The following PDE4D variants were observed in gnomAD, a reference collection of about 807,000 sequenced individuals.
PDE4D encodes 3',5'-cyclic-AMP phosphodiesterase 4D.
Under a neutral mutation model 87.4 loss-of-function variants are expected in PDE4D, and 24 were observed. The observed-to-expected ratio is 0.27, with a 90% CI of 0.20 to 0.39. PDE4D has a LOEUF of 0.39. Ranked by LOEUF, PDE4D falls within the 10% of genes least tolerant of loss-of-function variation. The pLI is 1.00. For synonymous variants in PDE4D, 384 were observed against 383.2 expected (o/e 1.00, Z -0.02); for missense variants, 714 against 1,041.0 (o/e 0.69, Z 4.32).
At chr5:60,316,126 A>C (rs1755564951) in intron 1 of PDE4D, among the ~76,000 whole-genome samples, 1 of 152,164 alleles carries the variant, frequency 6.6e-6, no homozygotes, top group Non-Finnish European at 1.5e-5. Flanking sequence ...TGATTATGGA[A>C]TGTTCTTCTA....
intron 1 of PDE4D, among the ~76,000 whole-genome samples, chr5:59,401,487 T>TCTATCTATCTA (rs59711307): frequency 6.6e-6 from 1 of 151,296 alleles, no homozygotes; most frequent in Non-Finnish European, 1.5e-5. Context: ...TATCTATCTA[T>TCTATCTATCTA]TTTGATCCCA....
intron 1 of PDE4D, among the ~76,000 whole-genome samples, chr5:60,341,347 T>C (rs770528252): frequency 2.6e-5 from 4 of 152,146 alleles, no homozygotes; most frequent in Admixed American, 6.5e-5. Flanking sequence ...TGCTCTCCAG[T>C]TTTCTATCCA....
intron 1 of PDE4D, among the ~76,000 whole-genome samples, chr5:60,353,988 T>A (rs779359802): frequency 2.0e-5 from 3 of 152,164 alleles, no homozygotes; most frequent in Non-Finnish European, 2.9e-5. Context: ...AACATCATGG[T>A]AACTATTCTG....
intron 1 of PDE4D, among the ~76,000 whole-genome samples, chr5:59,262,176 G>A (rs971895444): frequency 4.0e-4 from 60 of 151,854 alleles, no homozygotes; most frequent in Admixed American, 1.7e-3. Context: ...TTATGAAGCC[G>A]AGTGCTGTAT....
chr5:59,090,594 A>G (rs149360239), intron 5 of PDE4D, among the ~76,000 whole-genome samples: 3 of 152,238 alleles, frequency 2.0e-5, no homozygotes, highest in Non-Finnish European at 4.4e-5. Context: ...ACATGAGAAC[A>G]ACCATAAGGA....
At chr5:60,012,778 T>C in intron 2 of PDE4D, among the ~76,000 whole-genome samples, 1 of 152,156 alleles carries the variant, frequency 6.6e-6, no homozygotes, top group East Asian at 1.9e-4. Flanking sequence ...ATTGAAATAA[T>C]TGAAGGAACA....
chr5:59,708,037 G>T (rs1397325719), intron 1 of PDE4D, among the ~76,000 whole-genome samples: 1 of 152,142 alleles, frequency 6.6e-6, no homozygotes, highest in Non-Finnish European at 1.5e-5. Flanking sequence ...TCGCCATACA[G>T]TCTTCCATAA....
intron 1 of PDE4D, among the ~76,000 whole-genome samples, chr5:60,450,222 G>A (rs1745989637): frequency 6.6e-6 from 1 of 151,756 alleles, no homozygotes; most frequent in South Asian, 2.1e-4. Context: ...TGATTGGTGG[G>A]GATTCAACCC....
intron 2 of PDE4D, among the ~76,000 whole-genome samples, chr5:60,155,319 T>C (rs1781871787): frequency 6.6e-6 from 1 of 152,182 alleles, no homozygotes; most frequent in African/African-American, 2.4e-5. Flanking sequence ...GAATTATGGG[T>C]TTGGTTTTCC....
intron 5 of PDE4D, among the ~76,000 whole-genome samples, chr5:59,138,293 G>A (rs1777417059): frequency 6.6e-6 from 1 of 151,802 alleles, no homozygotes; most frequent in South Asian, 2.1e-4. Context: ...TTCTTTTTTT[G>A]GTTTGTTTTT....
intron 5 of PDE4D, among the ~76,000 whole-genome samples, chr5:59,045,280 G>A (rs1160131797): frequency 3.3e-5 from 5 of 152,158 alleles, no homozygotes; most frequent in South Asian, 2.1e-4. Context: ...TCGGCCAGGC[G>A]TGGTGGCTCA....
intron 1 of PDE4D, among the ~76,000 whole-genome samples, chr5:59,362,086 C>A (rs1009325422): frequency 1.3e-5 from 2 of 152,078 alleles, no homozygotes; most frequent in African/African-American, 4.8e-5. Context: ...GTTTCAGTGT[C>A]TTACCCATTT....
intron 1 of PDE4D, among the ~76,000 whole-genome samples, chr5:59,764,611 A>G (rs554393172): frequency 6.6e-6 from 1 of 152,146 alleles, no homozygotes; most frequent in African/African-American, 2.4e-5. Flanking sequence ...AGCATATAGA[A>G]ATGAAATAAC....
At chr5:60,451,381 T>C (rs1746083619) in intron 1 of PDE4D, among the ~76,000 whole-genome samples, 1 of 152,072 alleles carries the variant, frequency 6.6e-6, no homozygotes, top group African/African-American at 2.4e-5. Flanking sequence ...TTTGTGATGA[T>C]CATGTCTTTT....
rs1436408627 is a variant in PDE4D at position 59,233,410 on chromosome 5, T to C, written c.456-17442A>G. ...AATGTGCACACTTCTGGGGAAATGGTTCAGAGTCTATAGAAAAATTCTAGA... is the reference window on the plus strand; with the variant it reads ...AATGTGCACACTTCTGGGGAAATGGCTCAGAGTCTATAGAAAAATTCTAGA... On this transcript the variant is annotated intron_variant, in intron 1 of 14. Transcript: ENST00000340635. Among the ~76,000 whole-genome samples the C allele has an allele frequency of 3.9e-5, 6 of 152,320 alleles. No homozygotes were observed. In the East Asian group the frequency reaches 1.2e-3, roughly 29 times the overall value.
chr5:59,011,341 C>G (rs1752764616), intron 6 of PDE4D, among the ~76,000 whole-genome samples: 1 of 152,098 alleles, frequency 6.6e-6, no homozygotes, highest in South Asian at 2.1e-4. Flanking sequence ...GGGTAATAAA[C>G]TTTTCCGAGC....
chr5:60,054,929 A>G (rs1483275878), intron 2 of PDE4D, among the ~76,000 whole-genome samples: 1 of 152,174 alleles, frequency 6.6e-6, no homozygotes, highest in Non-Finnish European at 1.5e-5. Flanking sequence ...TAAAATGTCT[A>G]GAATACTGCA....
chr5:59,426,801 T>A (rs1432396225), intron 1 of PDE4D, among the ~76,000 whole-genome samples: 1 of 151,882 alleles, frequency 6.6e-6, no homozygotes, highest in Non-Finnish European at 1.5e-5. Flanking sequence ...TAAAAAAAAA[T>A]GTGACTTTTA....
At chr5:59,467,823 G>C (rs1801808585) in intron 1 of PDE4D, among the ~76,000 whole-genome samples, 1 of 152,162 alleles carries the variant, frequency 6.6e-6, no homozygotes, top group South Asian at 2.1e-4. Context: ...CATTTATCCA[G>C]ATTATACACA....
Sources: gnomAD v4.1 joint callset for allele counts (sites outside exome capture counted in the v4.1 genomes callset) on GRCh38, gnomAD v4.1.1 for gene constraint, MANE v1.5 for transcripts, NCBI Gene and HGNC (gene_info 2026-07-23, HGNC 2026-07-21) for gene names.